USP8: variants seen among roughly 807,000 people sequenced by gnomAD.
The protein encoded by USP8 is ubiquitin carboxyl-terminal hydrolase 8.
USP8 carries 27 observed loss-of-function variants against 130.0 expected under a neutral mutation model. The observed-to-expected ratio is 0.21, with a 90% CI of 0.15 to 0.29. USP8 has a LOEUF of 0.29. USP8 is among the 10% of genes least tolerant of loss of function. USP8 has a pLI of 1.00. For missense variants in USP8, 1,029 were observed against 1,312.2 expected (o/e 0.78, Z 3.33); for synonymous variants, 392 against 444.1 (o/e 0.88, Z 1.48).
intron 8 of USP8, among the ~76,000 whole-genome samples, chr15:50,475,207 A>C (rs2051521700): frequency 6.6e-6 from 1 of 152,240 alleles, no homozygotes. Context: ...TGTTTTCCCT[A>C]ATATTCAGAG....
chr15:50,494,939 T>A (rs1031362460), intron 16 of USP8, among the ~76,000 whole-genome samples: 1 of 150,560 alleles, frequency 6.6e-6, no homozygotes, highest in East Asian at 2.0e-4. Context: ...CGCTTGAACC[T>A]GGGAGGCAGA....
At chr15:50,429,701 C>A (rs907935035) in intron 1 of USP8, among the ~76,000 whole-genome samples, 1 of 151,906 alleles carries the variant, frequency 6.6e-6, no homozygotes, top group Admixed American at 6.6e-5. Context: ...AAATAAATAC[C>A]TGTGTGTATG....
Position 50,497,083 on chromosome 15 carries a change from TGCCAGGA to T in USP8, c.2896-5_2897del, listed in dbSNP as rs1397416867. 2 of 1,586,384 alleles carry T rather than the reference TGCCAGGA, an allele frequency of 1.3e-6. No homozygotes were observed. The highest frequency in any genetic ancestry group is 1.7e-4 in the Middle Eastern group (1 of 5,766). Reference sequence around the variant, plus strand: ...CGAGTATCTGCTACTTGTTTTTTTCTGCCAGGATTGCCTTAGATTATTTTCCAAAGAA... The same window carrying T: ...CGAGTATCTGCTACTTGTTTTTTTCTTTGCCTTAGATTATTTTCCAAAGAA... On this transcript the variant is annotated splice_acceptor_variant and splice_polypyrimidine_tract_variant and coding_sequence_variant and intron_variant, in exon 18 of 20. Transcript: ENST00000307179. LOFTEE classifies it high-confidence loss of function.
intron 3 of USP8, among the ~76,000 whole-genome samples, chr15:50,446,240 C>T (rs960651265): frequency 6.6e-6 from 1 of 152,096 alleles, no homozygotes; most frequent in Admixed American, 6.6e-5. Context: ...AATTATCATA[C>T]TATTGAAATT....
At position 50,514,120 on chromosome 15, in the gene USP8, T is replaced by G. The variant is rs1385549282; in HGVS notation, c.*15032T>G. 3 of 152,116 alleles carry G rather than the reference T, an allele frequency of 2.0e-5. No homozygotes were observed. The highest frequency in any genetic ancestry group is 4.4e-5 in the Non-Finnish European group (3 of 68,010). 9.4% of individuals were successfully genotyped at this position (152,116 alleles called of 1,614,324 possible). A position where few individuals can be genotyped will look rare whatever the true frequency, so the allele number is the denominator to read the frequency against. On this transcript the variant is annotated 3_prime_UTR_variant, in exon 20 of 20. Transcript: ENST00000307179. ...ATTACAATATAAACAACAATATGGA[T>G]GAACATTACATAATTTTGAATGAAA...
rs1320327229 is a variant in USP8 at position 50,498,673 on chromosome 15, A to C, written c.3116A>C (p.Gln1039Pro). The C allele has an allele frequency of 1.2e-6, 2 of 1,613,400 alleles. No individual in the cohort carries two copies. Among genetic ancestry groups the C allele is most frequent in the South Asian group, 2.2e-5 (2 of 90,964 alleles). ...DFPLENLDLS[Q>P]YVIGPKNNLK... is the part of the protein sequence containing the mutation. Reference sequence around the variant, plus strand: ...CCGTTAGAAAATCTTGACTTGTCACAGTATGTTATTGGTCCAAAGAACAAT... The same window carrying C: ...CCGTTAGAAAATCTTGACTTGTCACCGTATGTTATTGGTCCAAAGAACAAT... The change falls in exon 19 of 20, where the codon CAG becomes CCG. Residue 1039 changes from glutamine to proline, a missense_variant. Physicochemically the swap from Gln to Pro is moderately conservative, Grantham distance 76 (BLOSUM62 -1). This residue lies in a region of USP8 where 257 missense variants were observed against 429.8 expected (regional missense o/e 0.60). Coordinates refer to ENST00000307179, the MANE Select transcript of USP8 (RefSeq NM_005154.5).
intron 8 of USP8, among the ~76,000 whole-genome samples, chr15:50,475,377 A>T (rs2051529296): frequency 6.6e-6 from 1 of 152,128 alleles, no homozygotes; most frequent in African/African-American, 2.4e-5. Flanking sequence ...AAAACAAGAT[A>T]CCATTTTATG....
At position 50,449,385 on chromosome 15, in the gene USP8, T is replaced by C. The variant is rs369842951; in HGVS notation, c.250-15T>C. On this transcript the variant is annotated splice_polypyrimidine_tract_variant and intron_variant, in intron 3 of 19. Transcript: ENST00000307179. ...CGAGAACTAACAATATGGGATGGTT[T>C]TCCTATAATTTTAGGATTATTTCCA... The C allele has an allele frequency of 5.2e-4, 798 of 1,538,486 alleles. 1 individual carries two copies. The highest frequency in any genetic ancestry group is 6.6e-4 in the Non-Finnish European group (749 of 1,136,084).
intron 3 of USP8, among the ~76,000 whole-genome samples, chr15:50,442,097 C>T (rs144079625): frequency 8.0e-4 from 122 of 151,670 alleles, no homozygotes; most frequent in African/African-American, 2.8e-3. Context: ...GCCTCAGCCT[C>T]CCGAGTAACT....
chr15:50,459,612 A>G (rs2050914914), intron 5 of USP8, among the ~76,000 whole-genome samples: 1 of 152,094 alleles, frequency 6.6e-6, no homozygotes, highest in Non-Finnish European at 1.5e-5. Flanking sequence ...TTTGAATTAA[A>G]TATTCTAGCC....
rs144363577 is a variant in USP8 at position 50,494,145 on chromosome 15, G to A, written c.2523G>A (p.Gln841=). The A allele has an allele frequency of 1.4e-5, 23 of 1,613,028 alleles. No individual in the cohort carries two copies. In the Admixed American group the frequency reaches 3.5e-4, roughly 25 times the overall value. The change falls in exon 16 of 20, where the codon CAG becomes CAA. Residue 841 remains glutamine (Q), a synonymous_variant. Coordinates refer to ENST00000307179, the MANE Select transcript of USP8 (RefSeq NM_005154.5). The part of the protein sequence containing the change: ...GIIMKALWTG[Q]YRYISPKDFK... ...TCATGAAAGCCCTGTGGACAGGACA[G>A]TATAGATATATCAGTCCAAAGGACT... is the stretch of plus-strand genomic sequence containing the variant.
In USP8 at chr15:50,485,550, A is replaced by ATTTTTTTTTTTTTTTTTTTTT. The variant is rs71424071; in HGVS notation, c.1890+1202_1890+1222dup. 5.0e-4 allele frequency among the ~76,000 whole-genome samples: 14 copies of ATTTTTTTTTTTTTTTTTTTTT among 27,944 alleles called. 2 individuals carry two copies. Among genetic ancestry groups the ATTTTTTTTTTTTTTTTTTTTT allele is most frequent in the Admixed American group, 1.6e-3 (2 of 1,246 alleles). The allele number at this position is 27,944 out of a possible 152,430, so 18.3% of individuals were successfully genotyped here. Reference sequence around the variant, plus strand: ...CCCATTTTTAGCATGCAGTTTAGTGATTTTTTTTTTTTTTTTTTTTTTTTT... The same window carrying ATTTTTTTTTTTTTTTTTTTTT: ...CCCATTTTTAGCATGCAGTTTAGTGATTTTTTTTTTTTTTTTTTTTTTTTTTTTTTTTTTTTTTTTTTTTTT... On this transcript the variant is annotated intron_variant, in intron 12 of 19. Coordinates refer to ENST00000307179, the MANE Select transcript of USP8 (RefSeq NM_005154.5).
At chr15:50,466,145 G>A (rs2051180795) in intron 7 of USP8, among the ~76,000 whole-genome samples, 1 of 152,104 alleles carries the variant, frequency 6.6e-6, no homozygotes, top group Admixed American at 6.5e-5. Flanking sequence ...ACTATTTCGA[G>A]CATTCTTATG....
chr15:50,498,577 G>A lies in USP8; in HGVS notation c.3039-19G>A, dbSNP rs913387875. The A allele has an allele frequency of 6.3e-7, 1 of 1,593,192 alleles. No homozygotes were observed. Among genetic ancestry groups the A allele is most frequent in the Non-Finnish European group, 8.5e-7 (1 of 1,169,642 alleles). ...GGTATCTTCCTCTGTCAGTGTAATT[G>A]TAATGTTTTGTTCTGCAGTTTTTCC... On this transcript the variant is annotated intron_variant, in intron 18 of 19. Transcript: ENST00000307179.
chr15:50,508,463 A>T lies in USP8; in HGVS notation c.*9375A>T, dbSNP rs1053129266. 4 of 152,086 alleles carry T rather than the reference A, an allele frequency of 2.6e-5. No individual in the cohort carries two copies. Among genetic ancestry groups the T allele is most frequent in the African/African-American group, 7.3e-5 (3 of 41,376 alleles). The allele number at this position is 152,086 out of a possible 1,614,324, so 9.4% of individuals were successfully genotyped here. ...GTATATGTTTGAAATATTCTATAAT[A>T]AAAAAAGGCAGAGAAAGTGGGAGAT... On this transcript the variant is annotated 3_prime_UTR_variant, in exon 20 of 20. Coordinates refer to ENST00000307179, the MANE Select transcript of USP8 (RefSeq NM_005154.5).
Position 50,506,109 on chromosome 15 carries a change from G to C in USP8, c.*7021G>C, listed in dbSNP as rs2052654729. 1.3e-5 allele frequency: 2 copies of C among 152,108 alleles called. No homozygotes were observed. Among genetic ancestry groups the C allele is most frequent in the East Asian group, 1.9e-4 (1 of 5,200 alleles). 9.4% of individuals were successfully genotyped at this position (152,108 alleles called of 1,614,324 possible). ...GTCGTTTTTTAGCATAATTACTAAA[G>C]AATCAAAATGTGTAACTTCCAAAGT... On this transcript the variant is annotated 3_prime_UTR_variant, in exon 20 of 20. Transcript: ENST00000307179.
At chr15:50,480,755 GT>G (rs1191497828) in intron 10 of USP8, among the ~76,000 whole-genome samples, 1 of 152,082 alleles carries the variant, frequency 6.6e-6, no homozygotes, top group Non-Finnish European at 1.5e-5. Flanking sequence ...TGAGAGCATA[GT>G]GGGTAGCAAA....
intron 4 of USP8, among the ~76,000 whole-genome samples, chr15:50,454,108 C>T (rs1307729854): frequency 1.3e-5 from 2 of 152,134 alleles, no homozygotes; most frequent in East Asian, 1.9e-4. Context: ...AGGTGATCCG[C>T]CTGCCTTGGC....
At chr15:50,453,485 T>C (rs551442880) in intron 4 of USP8, among the ~76,000 whole-genome samples, 1 of 152,366 alleles carries the variant, frequency 6.6e-6, no homozygotes, top group African/African-American at 2.4e-5. Flanking sequence ...TTAATTTCAT[T>C]GTGGCTAAAG....
Sources: gnomAD v4.1 joint callset for allele counts (sites outside exome capture counted in the v4.1 genomes callset) on GRCh38, gnomAD v4.1.1 for gene constraint, gnomAD v4.1.1 regional missense constraint, MANE v1.5 for transcripts, NCBI Gene and HGNC (gene_info 2026-07-23, HGNC 2026-07-21) for gene names.